Variants in GPC5 observed in about 807,000 individuals in gnomAD.
GPC5 encodes glypican-5.
Under a neutral mutation model 53.9 loss-of-function variants are expected in GPC5, and 47 were observed. The ratio of observed to expected loss-of-function variants is 0.87; its 90% CI spans 0.69 to 1.11. GPC5 has a LOEUF of 1.11. Ranked by LOEUF, GPC5 falls within the 50% of genes most tolerant of loss-of-function variation. The pLI is 0.00. For missense variants in GPC5, 748 were observed against 713.1 expected, an observed-to-expected ratio of 1.05 and a Z score of -0.56; for synonymous variants, 286 against 263.3, an observed-to-expected ratio of 1.09 and a Z score of -0.84.
intron 6 of GPC5, chr13:91,996,617 T>C (rs2040506285): frequency 6.6e-6 from 1 of 152,222 alleles, no homozygotes; most frequent in African/African-American, 2.4e-5. Context: ...AACTGCCACT[T>C]AAGTCATGAA....
intron 7 of GPC5, among the ~76,000 whole-genome samples, chr13:92,187,426 C>T (rs928921061): frequency 1.3e-5 from 2 of 152,194 alleles, no homozygotes; most frequent in Admixed American, 1.3e-4. Flanking sequence ...ACTATGGTCT[C>T]AATGGACTCA....
chr13:92,074,014 T>A (rs1012472372), intron 6 of GPC5, among the ~76,000 whole-genome samples: 4 of 152,208 alleles, frequency 2.6e-5, no homozygotes, highest in African/African-American at 4.8e-5. Flanking sequence ...CTTCCCCTTC[T>A]GTTCCCTTTT....
chr13:92,531,765 C>T (rs1478968594), intron 7 of GPC5, among the ~76,000 whole-genome samples: 2 of 152,250 alleles, frequency 1.3e-5, no homozygotes, highest in African/African-American at 2.4e-5. Flanking sequence ...CGATCAGGGC[C>T]GGTGCCGTCT....
chr13:91,888,690 T>C (rs529380164), intron 5 of GPC5, among the ~76,000 whole-genome samples: 3 of 152,240 alleles, frequency 2.0e-5, no homozygotes, highest in Admixed American at 2.0e-4. Context: ...TGGGTAGAGT[T>C]TCTAAAGGAA....
At chr13:92,387,446 A>G (rs1471728879) in intron 7 of GPC5, among the ~76,000 whole-genome samples, 1 of 152,060 alleles carries the variant, frequency 6.6e-6, no homozygotes, top group Non-Finnish European at 1.5e-5. Flanking sequence ...CTTGATTGCA[A>G]ATGTATTTAA....
intron 7 of GPC5, among the ~76,000 whole-genome samples, chr13:92,737,752 T>A (rs1367350633): frequency 1.6e-5 from 2 of 128,660 alleles, no homozygotes; most frequent in Admixed American, 2.0e-4. Context: ...TTCTTTCTTT[T>A]TTTTTTTCTT....
intron 7 of GPC5, among the ~76,000 whole-genome samples, chr13:92,805,273 T>C (rs1877051933): frequency 6.6e-6 from 1 of 152,058 alleles, no homozygotes; most frequent in Non-Finnish European, 1.5e-5. Flanking sequence ...ACAAAATATA[T>C]TTCTTAAGTA....
At chr13:92,529,442 T>C (rs548893599) in intron 7 of GPC5, among the ~76,000 whole-genome samples, 34 of 152,332 alleles carry the variant, frequency 2.2e-4, no homozygotes, top group African/African-American at 8.2e-4. Flanking sequence ...AACATATTTT[T>C]ACATATCAAA....
chr13:92,012,709 T>C (rs1368453790), intron 6 of GPC5, among the ~76,000 whole-genome samples: 1 of 152,234 alleles, frequency 6.6e-6, no homozygotes, highest in African/African-American at 2.4e-5. Flanking sequence ...CACAGAGTAA[T>C]AATACTTATC....
chr13:92,358,925 G>T (rs1046523274), intron 7 of GPC5, among the ~76,000 whole-genome samples: 5 of 151,604 alleles, frequency 3.3e-5, no homozygotes, highest in African/African-American at 1.2e-4. Flanking sequence ...CATTGTCTTG[G>T]CTATTAACAT....
At position 91,609,991 on chromosome 13, in the gene GPC5, T is replaced by C. The variant is rs568831112; in HGVS notation, c.326-83196T>C. ...TGTACATTCGTTATATGGAATCAAT[T>C]CATTTGCTCAGTTATTCAGCAACTA... On this transcript the variant is annotated intron_variant, in intron 2 of 7. Transcript: ENST00000377067. Among the ~76,000 whole-genome samples the C allele has an allele frequency of 5.7e-4, 87 of 152,324 alleles. 2 individuals are homozygous for C. The South Asian group carries it at 0.018, about 31-fold the overall frequency.
intron 6 of GPC5, among the ~76,000 whole-genome samples, chr13:91,981,320 C>G (rs1204450874): frequency 6.6e-6 from 1 of 150,420 alleles, no homozygotes; most frequent in Non-Finnish European, 1.5e-5. Context: ...GACGGAGTCT[C>G]GCTCTGTCGC....
chr13:92,204,780 G>A lies in GPC5; in HGVS notation c.1561+59791G>A, dbSNP rs190110592. ...CCCTTTTCAGAACACATTACCCTCT[G>A]GCAACAATGTGTGACAAAACACACA... is the stretch of plus-strand genomic sequence containing the variant. On this transcript the variant is annotated intron_variant, in intron 7 of 7. Coordinates refer to ENST00000377067, the MANE Select transcript of GPC5 (RefSeq NM_004466.6). Among the ~76,000 whole-genome samples, 130 of 152,288 alleles carry A rather than the reference G, an allele frequency of 8.5e-4. 3 individuals carry two copies. Among genetic ancestry groups the A allele is most frequent in the Admixed American group, 7.3e-3 (112 of 15,302 alleles).
chr13:92,110,445 C>T (rs1340322158), intron 6 of GPC5, among the ~76,000 whole-genome samples: 1 of 151,876 alleles, frequency 6.6e-6, no homozygotes, highest in Non-Finnish European at 1.5e-5. Flanking sequence ...TCTATCATGG[C>T]ATATTTAAGG....
chr13:92,052,412 T>C (rs2041037756), intron 6 of GPC5, among the ~76,000 whole-genome samples: 2 of 152,136 alleles, frequency 1.3e-5, no homozygotes, highest in South Asian at 2.1e-4. Context: ...AAGAACAAAG[T>C]GTCCACAGCG....
intron 1 of GPC5, among the ~76,000 whole-genome samples, chr13:91,412,711 C>G (rs1877900565): frequency 6.6e-6 from 1 of 152,188 alleles, no homozygotes; most frequent in South Asian, 2.1e-4. Context: ...GTTCCTGTGA[C>G]TGTAGGAAAC....
At chr13:91,533,324 G>C (rs1001402231) in intron 2 of GPC5, among the ~76,000 whole-genome samples, 2 of 152,036 alleles carry the variant, frequency 1.3e-5, no homozygotes, top group Non-Finnish European at 2.9e-5. Context: ...ATAATCATTG[G>C]GCTTGAGAAA....
At chr13:92,527,692 A>G (rs548893108) in intron 7 of GPC5, among the ~76,000 whole-genome samples, 2 of 152,192 alleles carry the variant, frequency 1.3e-5, no homozygotes, top group Non-Finnish European at 2.9e-5. Context: ...CAGTATTTTC[A>G]ATAGAACTTA....
chr13:92,237,807 C>T (rs2042581328), intron 7 of GPC5, among the ~76,000 whole-genome samples: 1 of 152,046 alleles, frequency 6.6e-6, no homozygotes, highest in Non-Finnish European at 1.5e-5. Context: ...AACAACTTGC[C>T]CATTAACAGT....
Sources: gnomAD v4.1 joint callset for allele counts (sites outside exome capture counted in the v4.1 genomes callset) on GRCh38, gnomAD v4.1.1 for gene constraint, MANE v1.5 for transcripts, NCBI Gene and HGNC (gene_info 2026-07-23, HGNC 2026-07-21) for gene names.